The following NCK2 variants were observed in gnomAD, a reference collection of about 807,000 sequenced individuals.
NCK2 encodes the protein cytoplasmic protein NCK2.
In NCK2, 16 loss-of-function variants were observed where a neutral mutation model predicts 33.9. That is an observed-to-expected ratio of 0.47 (90% confidence interval 0.32 to 0.72). The LOEUF is 0.72. Among genes scored for constraint, NCK2 ranks in the 30% least tolerant of loss-of-function variants. The probability of loss-of-function intolerance (pLI) is 0.03; values close to 1 mark genes in which losing one functional copy is unlikely to be tolerated. For missense variants in NCK2, 418 were observed against 537.3 expected (o/e 0.78, Z 2.19); for synonymous variants, 273 against 239.9 (o/e 1.14, Z -1.27).
At chr2:105,749,334 A>C (rs1369715024) in intron 1 of NCK2, among the ~76,000 whole-genome samples, 2 of 152,208 alleles carry the variant, frequency 1.3e-5, no homozygotes, top group African/African-American at 4.8e-5. Flanking sequence ...ACAATTTTGG[A>C]AGCTGGGGTG....
intron 1 of NCK2, among the ~76,000 whole-genome samples, chr2:105,796,388 T>C (rs1347568567): frequency 6.6e-6 from 1 of 152,220 alleles, no homozygotes; most frequent in African/African-American, 2.4e-5. Context: ...TCTTAAGAAA[T>C]ATTCAATTTC....
chr2:105,870,584 C>T (rs968349234), intron 3 of NCK2, among the ~76,000 whole-genome samples: 6 of 151,996 alleles, frequency 3.9e-5, no homozygotes, highest in African/African-American at 1.2e-4. Flanking sequence ...GGTTAAACCC[C>T]GTCTCTACTA....
intron 1 of NCK2, among the ~76,000 whole-genome samples, chr2:105,749,484 C>A (rs1689384701): frequency 1.3e-5 from 2 of 152,192 alleles, no homozygotes; most frequent in South Asian, 4.1e-4. Context: ...TAACATGGTG[C>A]ACTTGGTTCT....
chr2:105,866,843 G>A (rs1436308584), intron 3 of NCK2, among the ~76,000 whole-genome samples: 1 of 152,112 alleles, frequency 6.6e-6, no homozygotes, highest in Non-Finnish European at 1.5e-5. Flanking sequence ...AGTAATTTTT[G>A]GTATATATGC....
rs148864210 is a variant in NCK2 at position 105,784,386 on chromosome 2, G to A, written c.-200-32044G>A. Among the ~76,000 whole-genome samples, 86 of 152,304 alleles carry A rather than the reference G, an allele frequency of 5.6e-4. No individual in the cohort carries two copies. In the East Asian group the frequency reaches 0.015, roughly 26 times the overall value. ...TGGTCATATGGGCTTGGGGTGAATCGGGAGGGGAGAGTTTAATTTGCTTAC... is the reference window on the plus strand; with the variant it reads ...TGGTCATATGGGCTTGGGGTGAATCAGGAGGGGAGAGTTTAATTTGCTTAC... On this transcript the variant is annotated intron_variant, in intron 1 of 4. Coordinates refer to ENST00000233154, the MANE Select transcript of NCK2 (RefSeq NM_003581.5).
At chr2:105,849,737 G>A (rs1676990088) in intron 2 of NCK2, among the ~76,000 whole-genome samples, 1 of 152,136 alleles carries the variant, frequency 6.6e-6, no homozygotes, top group Non-Finnish European at 1.5e-5. Flanking sequence ...CAGCCACTGG[G>A]CCTGTCTTAC....
chr2:105,833,740 T>G (rs942776500), intron 2 of NCK2, among the ~76,000 whole-genome samples: 1 of 152,148 alleles, frequency 6.6e-6, no homozygotes, highest in African/African-American at 2.4e-5. Context: ...TGGTTTGTTC[T>G]CACTTTTCTA....
intron 4 of NCK2, among the ~76,000 whole-genome samples, chr2:105,888,124 G>A (rs1489877400): frequency 2.0e-5 from 3 of 152,076 alleles, no homozygotes; most frequent in Admixed American, 6.5e-5. Context: ...GATGATAGAG[G>A]CCCCGAGAGA....
intron 2 of NCK2, chr2:105,848,403 T>C (rs374938275): frequency 6.6e-6 from 1 of 152,204 alleles, no homozygotes; most frequent in South Asian, 2.1e-4. Context: ...GAAGAGAGTT[T>C]ACCGGCAGCA....
chr2:105,758,545 T>G (rs1205596561), intron 1 of NCK2, among the ~76,000 whole-genome samples: 3 of 151,540 alleles, frequency 2.0e-5, no homozygotes, highest in Non-Finnish European at 4.4e-5. Flanking sequence ...GAGTAGCTGG[T>G]ACTACAGGTG....
chr2:105,775,413 T>C lies in NCK2; in HGVS notation c.-201+30275T>C, dbSNP rs556252035. Among the ~76,000 whole-genome samples the C allele has an allele frequency of 1.4e-4, 21 of 152,360 alleles. No homozygotes were observed. In the South Asian group the frequency reaches 4.3e-3, roughly 32 times the overall value. On this transcript the variant is annotated intron_variant, in intron 1 of 4. Coordinates refer to ENST00000233154, the MANE Select transcript of NCK2 (RefSeq NM_003581.5). Reference sequence around the variant, plus strand: ...AGATTCCAGGTAGATAGATAATTATTTTTAACCGAAATTTAGTTTTTAAAA... The same window carrying C: ...AGATTCCAGGTAGATAGATAATTATCTTTAACCGAAATTTAGTTTTTAAAA...
chr2:105,884,784 T>G (rs1304274702), intron 4 of NCK2, among the ~76,000 whole-genome samples: 1 of 152,204 alleles, frequency 6.6e-6, no homozygotes, highest in Non-Finnish European at 1.5e-5. Context: ...TACCTACTGC[T>G]TGTCCTTCCA....
intron 1 of NCK2, among the ~76,000 whole-genome samples, chr2:105,793,551 T>G: frequency 6.6e-6 from 1 of 152,232 alleles, no homozygotes; most frequent in East Asian, 1.9e-4. Flanking sequence ...ATTTGGCAGT[T>G]TTCAGAGTAA....
chr2:105,854,473 G>T (rs954657755), intron 2 of NCK2: 1 of 152,454 alleles, frequency 6.6e-6, no homozygotes, highest in Non-Finnish European at 1.5e-5. Flanking sequence ...ACATCTTACT[G>T]GTGTGTTGTC....
intron 1 of NCK2, among the ~76,000 whole-genome samples, chr2:105,759,803 G>A (rs1179700308): frequency 6.6e-6 from 1 of 152,160 alleles, no homozygotes; most frequent in African/African-American, 2.4e-5. Context: ...ACAGCTTTGA[G>A]GAGCAAAACT....
chr2:105,778,490 G>A (rs1020992342), intron 1 of NCK2, among the ~76,000 whole-genome samples: 4 of 152,234 alleles, frequency 2.6e-5, no homozygotes, highest in African/African-American at 9.6e-5. Context: ...ACCAGGGAAG[G>A]GCGGTGATGG....
chr2:105,858,943 A>G (rs1226211084), intron 3 of NCK2, among the ~76,000 whole-genome samples: 2 of 152,220 alleles, frequency 1.3e-5, no homozygotes, highest in Non-Finnish European at 2.9e-5. Flanking sequence ...TTTGCCACAG[A>G]TAACAGGGAA....
At chr2:105,757,781 C>A (rs185317422) in intron 1 of NCK2, among the ~76,000 whole-genome samples, 4 of 152,306 alleles carry the variant, frequency 2.6e-5, no homozygotes, top group African/African-American at 9.6e-5. Flanking sequence ...AACCTCTAAC[C>A]CAACCCCCAA....
chr2:105,765,817 C>CTG (rs1021023464), intron 1 of NCK2, among the ~76,000 whole-genome samples: 26 of 121,336 alleles, frequency 2.1e-4, no homozygotes, highest in East Asian at 7.2e-4. Flanking sequence ...GTGTGTGTGT[C>CTG]TGTGTGTGTG....
Sources: gnomAD v4.1 joint callset for allele counts (sites outside exome capture counted in the v4.1 genomes callset) on GRCh38, gnomAD v4.1.1 for gene constraint, MANE v1.5 for transcripts, NCBI Gene and HGNC (gene_info 2026-07-23, HGNC 2026-07-21) for gene names.